NRXN3: variants seen among roughly 807,000 people sequenced by gnomAD.
NRXN3 encodes the protein neurexin III.
Under a neutral mutation model 137.6 loss-of-function variants are expected in NRXN3, and 32 were observed. The observed-to-expected ratio is 0.23, with a 90% CI of 0.18 to 0.31. The LOEUF is 0.31. Among genes scored for constraint, NRXN3 ranks in the 10% least tolerant of loss-of-function variants. The pLI is 1.00. For missense variants in NRXN3, 1,574 were observed against 2,062.5 expected (o/e 0.76, Z 4.59); for synonymous variants, 798 against 784.5 (o/e 1.02, Z -0.29).
chr14:79,138,960 A>G (rs1347108313), intron 15 of NRXN3, among the ~76,000 whole-genome samples: 1 of 152,234 alleles, frequency 6.6e-6, no homozygotes, highest in Non-Finnish European at 1.5e-5. Context: ...GATTTCCACA[A>G]GAGAGGGCAA....
intron 4 of NRXN3, among the ~76,000 whole-genome samples, chr14:78,456,853 C>CTTTCTTTCTTTCTTTCTT (rs1415027844): frequency 3.1e-5 from 4 of 128,790 alleles, no homozygotes; most frequent in South Asian, 2.5e-4. Context: ...TTCTTTCTTT[C>CTTTCTTTCTTTCTTTCTT]TTTTTCTCTT....
chr14:79,526,782 G>A (rs2097124375), intron 16 of NRXN3, among the ~76,000 whole-genome samples: 3 of 152,024 alleles, frequency 2.0e-5, no homozygotes, highest in African/African-American at 4.8e-5. Context: ...AGAAACGAAC[G>A]TGAGAGACAC....
At chr14:79,680,670 G>T in intron 17 of NRXN3, among the ~76,000 whole-genome samples, 1 of 152,028 alleles carries the variant, frequency 6.6e-6, no homozygotes, top group Non-Finnish European at 1.5e-5. Flanking sequence ...GAAAGTGATG[G>T]CCCTGTTTGC....
Position 79,517,896 on chromosome 14 carries a change from C to CTTTTT in NRXN3, c.3444+50517_3444+50521dup, listed in dbSNP as rs34241975. 2.5e-4 allele frequency among the ~76,000 whole-genome samples: 18 copies of CTTTTT among 73,362 alleles called. 4 individuals carry two copies. The East Asian group carries it at 4.8e-3, about 20-fold the overall frequency. 48.1% of individuals were successfully genotyped at this position (73,362 alleles called of 152,430 possible). On this transcript the variant is annotated intron_variant, in intron 16 of 20. Coordinates refer to ENST00000335750, the MANE Select transcript of NRXN3 (RefSeq NM_001330195.2). ...TTCTTTCAGAGTTTTCCTGACTTTC[C>CTTTTT]TTTTTTTTTTTTTTTTTTTTTTTTT... is the stretch of plus-strand genomic sequence containing the variant.
At chr14:78,445,561 C>A (rs908924865) in intron 4 of NRXN3, among the ~76,000 whole-genome samples, 1 of 152,072 alleles carries the variant, frequency 6.6e-6, no homozygotes, top group African/African-American at 2.4e-5. Flanking sequence ...TTGCATTAGG[C>A]CCCTCCCCAT....
At chr14:79,432,910 T>A (rs1178685279) in intron 15 of NRXN3, among the ~76,000 whole-genome samples, 1 of 152,210 alleles carries the variant, frequency 6.6e-6, no homozygotes, top group African/African-American at 2.4e-5. Context: ...AGTAAATGTA[T>A]GGACTGAGGG....
chr14:78,809,449 A>G (rs968784957), intron 9 of NRXN3, among the ~76,000 whole-genome samples: 4 of 152,160 alleles, frequency 2.6e-5, no homozygotes, highest in African/African-American at 4.8e-5. Context: ...GAAGACAGAG[A>G]TGGGCTGCGC....
intron 15 of NRXN3, among the ~76,000 whole-genome samples, chr14:79,295,320 C>T (rs1484997174): frequency 1.3e-5 from 2 of 151,986 alleles, no homozygotes; most frequent in Non-Finnish European, 2.9e-5. Context: ...CAATGTTATC[C>T]CCTCAAGAGC....
At chr14:78,973,142 G>A (rs1049209412) in intron 14 of NRXN3, among the ~76,000 whole-genome samples, 2 of 152,102 alleles carry the variant, frequency 1.3e-5, no homozygotes, top group Non-Finnish European at 2.9e-5. Flanking sequence ...ATTCCATTTT[G>A]GGGGGTACCA....
chr14:79,676,431 A>G (rs1052020415), intron 17 of NRXN3, among the ~76,000 whole-genome samples: 6 of 151,972 alleles, frequency 3.9e-5, no homozygotes, highest in African/African-American at 1.4e-4. Context: ...TTTGGATTCC[A>G]AAAAGTGAGA....
chr14:79,293,918 G>T (rs958735033), intron 15 of NRXN3, among the ~76,000 whole-genome samples: 7 of 152,222 alleles, frequency 4.6e-5, no homozygotes, highest in African/African-American at 1.4e-4. Context: ...GAGAAAGAGA[G>T]AAATTAAATT....
chr14:79,301,671 G>T (rs1256174506), intron 15 of NRXN3, among the ~76,000 whole-genome samples: 2 of 151,890 alleles, frequency 1.3e-5, no homozygotes, highest in East Asian at 1.9e-4. Context: ...CAAATCATTT[G>T]GGCTTGCAGA....
intron 3 of NRXN3, among the ~76,000 whole-genome samples, chr14:78,295,702 C>T (rs1596977461): frequency 1.3e-5 from 2 of 152,120 alleles, no homozygotes; most frequent in African/African-American, 2.4e-5. Context: ...GGTCTTGGTT[C>T]GTGAAGCCCA....
At chr14:78,443,622 T>C (rs2094325670) in intron 4 of NRXN3, among the ~76,000 whole-genome samples, 1 of 152,218 alleles carries the variant, frequency 6.6e-6, no homozygotes, top group Non-Finnish European at 1.5e-5. Context: ...AGCTTTGGAC[T>C]CTAACAGACA....
At chr14:79,035,071 T>A (rs1014351656) in intron 15 of NRXN3, among the ~76,000 whole-genome samples, 2 of 152,140 alleles carry the variant, frequency 1.3e-5, no homozygotes. Flanking sequence ...AATCCTGATA[T>A]CAACTTTAAT....
intron 2 of NRXN3, among the ~76,000 whole-genome samples, chr14:78,247,715 G>A (rs1043277096): frequency 6.6e-6 from 1 of 152,184 alleles, no homozygotes; most frequent in African/African-American, 2.4e-5. Flanking sequence ...AGTAGCTAAT[G>A]AAGAGGTATC....
At chr14:78,578,792 CGT>C (rs1232503328) in intron 4 of NRXN3, among the ~76,000 whole-genome samples, 4 of 152,032 alleles carry the variant, frequency 2.6e-5, no homozygotes, top group Admixed American at 6.6e-5. Context: ...GAGAAATGAA[CGT>C]GAACTAGTGG....
chr14:79,168,423 T>G (rs536656930), intron 15 of NRXN3, among the ~76,000 whole-genome samples: 40 of 152,114 alleles, frequency 2.6e-4, no homozygotes, highest in Non-Finnish European at 4.4e-4. Flanking sequence ...ATACCAAACT[T>G]AATAATTTAC....
chr14:79,653,685 C>CTTATT (rs755662320), intron 16 of NRXN3, among the ~76,000 whole-genome samples: 2 of 151,916 alleles, frequency 1.3e-5, no homozygotes, highest in Non-Finnish European at 2.9e-5. Context: ...TGTAGATCCT[C>CTTATT]TTATTTTATA....
Sources: gnomAD v4.1 joint callset for allele counts (sites outside exome capture counted in the v4.1 genomes callset) on GRCh38, gnomAD v4.1.1 for gene constraint, MANE v1.5 for transcripts, NCBI Gene and HGNC (gene_info 2026-07-23, HGNC 2026-07-21) for gene names.